Variants in PRDM2 observed in about 807,000 individuals in gnomAD.
The protein encoded by PRDM2 is PR/SET domain 2, also known as PR domain zinc finger protein 2.
Under a neutral mutation model 130.0 loss-of-function variants are expected in PRDM2, and 30 were observed. That is an observed-to-expected ratio of 0.23 (90% confidence interval 0.17 to 0.31). The LOEUF (loss-of-function observed/expected upper bound fraction) is 0.31. Ranked by LOEUF, PRDM2 falls within the 10% of genes least tolerant of loss-of-function variation. The pLI is 1.00. For synonymous variants in PRDM2, 871 were observed against 782.4 expected (o/e 1.11, Z -1.89); for missense variants, 2,011 against 2,108.4 (o/e 0.95, Z 0.90).
intron 6 of PRDM2, among the ~76,000 whole-genome samples, chr1:13,757,866 G>T (rs1402374209): frequency 6.9e-6 from 1 of 143,956 alleles, no homozygotes; most frequent in Non-Finnish European, 1.5e-5. Flanking sequence ...GGTTTTGTTT[G>T]CTGATAAAGC....
intron 7 of PRDM2, among the ~76,000 whole-genome samples, chr1:13,777,519 G>A (rs931717349): frequency 2.7e-5 from 4 of 147,718 alleles, no homozygotes; most frequent in African/African-American, 1.0e-4. Flanking sequence ...ACTTTGCCCA[G>A]CTTCCCCACC....
At chr1:13,823,054 A>G in intron 9 of PRDM2, 105 bp from the exon 10 acceptor site, 9 of 1,154,012 alleles carry the variant, frequency 7.8e-6, no homozygotes, top group Non-Finnish European at 1.0e-5. Flanking sequence ...GTATGTTTCA[A>G]TAAACAGTTT....
chr1:13,754,453 C>G (rs114317674), intron 6 of PRDM2, among the ~76,000 whole-genome samples: 2,562 of 152,300 alleles, frequency 0.017, 40 homozygotes, highest in South Asian at 0.083. Flanking sequence ...GATCACCCTA[C>G]CAATGAGTGT....
intron 8 of PRDM2, among the ~76,000 whole-genome samples, chr1:13,804,592 G>A (rs554248514): frequency 2.8e-5 from 4 of 142,392 alleles, no homozygotes; most frequent in African/African-American, 3.0e-5. Flanking sequence ...AACAAGCTCC[G>A]GGGGGGGAAA....
At chr1:13,816,851 A>G (rs1230188217) in intron 9 of PRDM2, among the ~76,000 whole-genome samples, 1 of 152,226 alleles carries the variant, frequency 6.6e-6, no homozygotes, top group Non-Finnish European at 1.5e-5. Context: ...TGGGCACTAC[A>G]ATAGGACCTA....
In PRDM2 at chr1:13,823,279, A is replaced by ATGTG; in HGVS notation, c.*147_*150dup. Reference sequence around the variant, plus strand: ...AAAGGGAGTGCATGTGCGCGCGTGCATGTGTGCGTGCGTGTGTGTTCACGT... The same window carrying ATGTG: ...AAAGGGAGTGCATGTGCGCGCGTGCATGTGTGTGTGCGTGCGTGTGTGTTCACGT... On this transcript the variant is annotated 3_prime_UTR_variant, in exon 10 of 10. Transcript: ENST00000311066. 7.2e-7 allele frequency: 1 copy of ATGTG among 1,395,912 alleles called. No homozygotes were observed. The allele number at this position is 1,395,912 out of a possible 1,614,324, so 86.5% of individuals were successfully genotyped here.
chr1:13,782,411 C>T lies in PRDM2; in HGVS notation c.4616C>T (p.Ser1539Leu), dbSNP rs1431532689. The change falls in exon 8 of 10, where the codon TCA becomes TTA. Residue 1539 changes from serine to leucine, a missense_variant. Ser to Leu is a moderately radical substitution (Grantham distance 145). Around this residue, in one of 5 missense-constraint regions of PRDM2, gnomAD observed 410 missense variants for 395.9 expected, o/e 1.04. Coordinates refer to ENST00000311066, the MANE Select transcript of PRDM2 (RefSeq NM_001393986.1). ...TTGGGCAAGACCAGAGCCCGCAGCT[C>T]AGGCCCCACCCAAGTCCCACTTCCC... is the stretch of plus-strand genomic sequence containing the variant. Reference protein sequence around the residue: ...TPLGKTRARSSGPTQVPLPSS... With the variant: ...TPLGKTRARSLGPTQVPLPSS... 2 of 1,613,896 alleles carry T rather than the reference C, an allele frequency of 1.2e-6. No individual in the cohort carries two copies. Among genetic ancestry groups the T allele is most frequent in the Non-Finnish European group, 1.7e-6 (2 of 1,180,044 alleles).
chr1:13,758,388 A>G (rs1358291840), intron 6 of PRDM2, among the ~76,000 whole-genome samples: 1 of 150,828 alleles, frequency 6.6e-6, no homozygotes, highest in African/African-American at 2.4e-5. Context: ...CGGAGGTTGC[A>G]GTGAGCCGAG....
intron 1 of PRDM2, among the ~76,000 whole-genome samples, chr1:13,709,739 C>T (rs529032463): frequency 2.0e-5 from 3 of 152,230 alleles, no homozygotes; most frequent in East Asian, 1.9e-4. Flanking sequence ...TTGATAAAAA[C>T]GTATTCTCTT....
intron 6 of PRDM2, among the ~76,000 whole-genome samples, chr1:13,765,915 T>G (rs1644216229): frequency 6.6e-6 from 1 of 152,212 alleles, no homozygotes; most frequent in South Asian, 2.1e-4. Flanking sequence ...AGTTAAGCCT[T>G]TTCATCTTGC....
intron 8 of PRDM2, among the ~76,000 whole-genome samples, chr1:13,811,923 G>C (rs1457691462): frequency 6.6e-6 from 1 of 152,372 alleles, no homozygotes; most frequent in East Asian, 1.9e-4. Flanking sequence ...GGGAAAGCCA[G>C]GCAGGGAGCA....
At chr1:13,816,932 G>A (rs945534209) in intron 9 of PRDM2, among the ~76,000 whole-genome samples, 1 of 152,242 alleles carries the variant, frequency 6.6e-6, no homozygotes, top group African/African-American at 2.4e-5. Flanking sequence ...CTGTCACATA[G>A]TAAGCACTAG....
chr1:13,776,699 A>G (rs766654815), intron 7 of PRDM2, among the ~76,000 whole-genome samples: 4 of 152,082 alleles, frequency 2.6e-5, no homozygotes, highest in Non-Finnish European at 4.4e-5. Flanking sequence ...ATTTTATCCA[A>G]CCCATCAGGA....
intron 1 of PRDM2, among the ~76,000 whole-genome samples, chr1:13,711,633 C>G (rs1040806620): frequency 6.6e-6 from 1 of 152,096 alleles, no homozygotes; most frequent in East Asian, 1.9e-4. Flanking sequence ...CCTTTTACAC[C>G]CCTTGTTTTT....
chr1:13,770,984 C>T (rs1644348295), intron 6 of PRDM2, among the ~76,000 whole-genome samples: 2 of 152,124 alleles, frequency 1.3e-5, no homozygotes, highest in African/African-American at 2.4e-5. Context: ...TAATCTAATA[C>T]GGGCTGAGCA....
intron 6 of PRDM2, among the ~76,000 whole-genome samples, chr1:13,750,306 A>G (rs1643782076): frequency 6.6e-6 from 1 of 152,026 alleles, no homozygotes; most frequent in Non-Finnish European, 1.5e-5. Context: ...AATAGTTCAT[A>G]GATCCCAGTT....
rs199851816 is a variant in PRDM2, at chr1:13,813,238, T to C, written c.5037-3189T>C. 3.9e-5 allele frequency among the ~76,000 whole-genome samples: 6 copies of C among 152,172 alleles called. No individual in the cohort carries two copies. The East Asian group carries it at 9.6e-4, about 24-fold the overall frequency. On this transcript the variant is annotated intron_variant, in intron 8 of 9. Transcript: ENST00000311066. ...CAGACAGGTCCATGACTCACTGAGG[T>C]CACACAGCTAGTGGGTGGGAACCAA...
intron 8 of PRDM2, among the ~76,000 whole-genome samples, chr1:13,812,928 G>A (rs756136849): frequency 1.3e-5 from 2 of 152,152 alleles, no homozygotes; most frequent in African/African-American, 4.8e-5. Flanking sequence ...GGGGGAAACC[G>A]AGGCTCCGAG....
chr1:13,731,183 C>A, intron 3 of PRDM2, 66 bp downstream of exon 3: 2 of 1,284,152 alleles, frequency 1.6e-6, no homozygotes, highest in South Asian at 1.2e-5. Flanking sequence ...AGGCTTCCTG[C>A]AGGGGCATGT....
Sources: gnomAD v4.1 joint callset for allele counts (sites outside exome capture counted in the v4.1 genomes callset) on GRCh38, gnomAD v4.1.1 for gene constraint, gnomAD v4.1.1 regional missense constraint, MANE v1.5 for transcripts, NCBI Gene and HGNC (gene_info 2026-07-23, HGNC 2026-07-21) for gene names.